Variants in PBX1 observed in about 807,000 individuals in gnomAD.
The protein encoded by PBX1 is PBX homeobox 1.
In PBX1, 6 loss-of-function variants were observed where a neutral mutation model predicts 53.4. That is an observed-to-expected ratio of 0.11 (90% CI 0.06 to 0.22). PBX1 has a LOEUF of 0.22. Among genes scored for constraint, PBX1 ranks in the 10% least tolerant of loss-of-function variants. The probability of loss-of-function intolerance (pLI) is 1.00; values close to 1 mark genes in which losing one functional copy is unlikely to be tolerated. For synonymous variants in PBX1, 204 were observed against 212.3 expected, an observed-to-expected ratio of 0.96 and a Z score of 0.34; for missense variants, 251 against 551.4, an observed-to-expected ratio of 0.46 and a Z score of 5.46.
intron 2 of PBX1, among the ~76,000 whole-genome samples, chr1:164,668,116 G>A (rs1369932664): frequency 6.6e-6 from 1 of 152,006 alleles, no homozygotes; most frequent in Non-Finnish European, 1.5e-5. Context: ...GTTTGGTCAG[G>A]AACTATGTCA....
At position 164,641,394 on chromosome 1, in the gene PBX1, A is replaced by G. The variant is rs1230969061; in HGVS notation, c.265+78083A>G. On this transcript the variant is annotated intron_variant, in intron 2 of 8. Transcript: ENST00000420696. ...GCCATCCAGTGACCTAGTCTGGGCC[A>G]GTAAAGCCACCAGGCCATTTTCCTG... 4 of 153,078 alleles carry G rather than the reference A, an allele frequency of 2.6e-5. No individual in the cohort carries two copies. In the South Asian group the frequency reaches 8.3e-4, roughly 32 times the overall value. The allele number at this position is 153,078 out of a possible 1,614,324, so 9.5% of individuals were successfully genotyped here.
chr1:164,599,927 T>C (rs1656044192), intron 2 of PBX1, among the ~76,000 whole-genome samples: 1 of 152,078 alleles, frequency 6.6e-6, no homozygotes, highest in Non-Finnish European at 1.5e-5. Flanking sequence ...TTGAAGCCAG[T>C]GTGTGTGCAA....
intron 2 of PBX1, among the ~76,000 whole-genome samples, chr1:164,690,284 C>G (rs1662389670): frequency 6.6e-6 from 1 of 151,944 alleles, no homozygotes; most frequent in South Asian, 2.1e-4. Flanking sequence ...GACAGACAGA[C>G]TGCTGTGAAA....
intron 2 of PBX1, among the ~76,000 whole-genome samples, chr1:164,566,095 TTAGAAA>T (rs1176197268): frequency 6.6e-6 from 1 of 152,160 alleles, no homozygotes; most frequent in African/African-American, 2.4e-5. Context: ...GTTGGAAGAC[TTAGAAA>T]TAGATACAAA....
intron 2 of PBX1, among the ~76,000 whole-genome samples, chr1:164,750,412 A>G (rs777278782): frequency 1.3e-5 from 2 of 152,146 alleles, no homozygotes; most frequent in Non-Finnish European, 2.9e-5. Context: ...CTTTACTCTC[A>G]CTGACTACAA....
intron 2 of PBX1, among the ~76,000 whole-genome samples, chr1:164,861,612 A>G (rs1672100875): frequency 6.6e-6 from 1 of 152,170 alleles, no homozygotes; most frequent in South Asian, 2.1e-4. Flanking sequence ...GGAAACCAAC[A>G]ATAAACACAA....
intron 8 of PBX1, chr1:164,828,696 C>A (rs578247514): frequency 1.3e-5 from 2 of 151,816 alleles, no homozygotes; most frequent in South Asian, 4.1e-4. Context: ...TTTATGGTTG[C>A]TCCTGAAAGT....
In PBX1 at chr1:164,695,462, C is replaced by A. The variant is rs572221274; in HGVS notation, c.266-97032C>A. On this transcript the variant is annotated intron_variant, in intron 2 of 8. Coordinates refer to ENST00000420696, the MANE Select transcript of PBX1 (RefSeq NM_002585.4). ...ACCTTTGAAGATTGTCTCCTACTAG[C>A]GATTTCTTGTACCTGTTATCCCCTA... 3.3e-5 allele frequency among the ~76,000 whole-genome samples: 5 copies of A among 152,278 alleles called. No individual in the cohort carries two copies. In the East Asian group the frequency reaches 9.6e-4, roughly 29 times the overall value.
At chr1:164,776,840 T>C (rs1348463863) in intron 2 of PBX1, among the ~76,000 whole-genome samples, 1 of 152,068 alleles carries the variant, frequency 6.6e-6, no homozygotes, top group Admixed American at 6.6e-5. Flanking sequence ...TGTCATTGTA[T>C]GTATGGCTGG....
At chr1:164,768,156 C>T (rs1247057084) in intron 2 of PBX1, among the ~76,000 whole-genome samples, 3 of 152,180 alleles carry the variant, frequency 2.0e-5, no homozygotes, top group Non-Finnish European at 4.4e-5. Flanking sequence ...TGATTTCACA[C>T]CAGCCATGTG....
intron 1 of PBX1, among the ~76,000 whole-genome samples, chr1:164,561,131 T>C (rs1361439132): frequency 6.6e-6 from 1 of 152,218 alleles, no homozygotes; most frequent in Non-Finnish European, 1.5e-5. Context: ...ATTACCCAGC[T>C]TTGTTATATC....
intron 2 of PBX1, among the ~76,000 whole-genome samples, chr1:164,574,400 A>G (rs559199335): frequency 1.6e-4 from 25 of 152,290 alleles, no homozygotes; most frequent in South Asian, 1.0e-3. Flanking sequence ...TTCCACATCC[A>G]TGGAATGGGT....
rs1447504455 is a variant in PBX1 at position 164,788,061 on chromosome 1, C to T, written c.266-4433C>T. ...TAAAACCTATTTCAGAAAAAAGCTG[C>T]TGGGGTGGGGAGGGAAGAGATGAGG... On this transcript the variant is annotated intron_variant, in intron 2 of 8. Transcript: ENST00000420696. Among the ~76,000 whole-genome samples, 3 of 149,596 alleles carry T rather than the reference C, an allele frequency of 2.0e-5. No individual in the cohort carries two copies. In the East Asian group the frequency reaches 6.0e-4, roughly 30 times the overall value.
intron 2 of PBX1, among the ~76,000 whole-genome samples, chr1:164,671,012 T>A (rs1661083180): frequency 6.6e-6 from 1 of 152,222 alleles, no homozygotes; most frequent in Non-Finnish European, 1.5e-5. Flanking sequence ...CTCTTCCCCA[T>A]GCACCAGCCC....
At chr1:164,581,991 C>G (rs1330353361) in intron 2 of PBX1, among the ~76,000 whole-genome samples, 1 of 151,910 alleles carries the variant, frequency 6.6e-6, no homozygotes, top group African/African-American at 2.4e-5. Flanking sequence ...TTGTTTATTG[C>G]TTATTTCATT....
intron 2 of PBX1, among the ~76,000 whole-genome samples, chr1:164,703,973 G>T (rs1663279749): frequency 6.6e-6 from 1 of 152,184 alleles, no homozygotes; most frequent in South Asian, 2.1e-4. Context: ...AGAAAGAGAG[G>T]GAAGGAGAAG....
At chr1:164,671,561 T>C (rs1330170960) in intron 2 of PBX1, among the ~76,000 whole-genome samples, 2 of 152,170 alleles carry the variant, frequency 1.3e-5, no homozygotes, top group African/African-American at 4.8e-5. Context: ...TCATCTTTAG[T>C]TTCCCCTGTC....
intron 2 of PBX1, among the ~76,000 whole-genome samples, chr1:164,654,128 G>A (rs893304386): frequency 1.3e-5 from 2 of 152,188 alleles, no homozygotes; most frequent in African/African-American, 4.8e-5. Context: ...TGCATTGGGG[G>A]TAGGGTGTCT....
intron 2 of PBX1, among the ~76,000 whole-genome samples, chr1:164,879,075 A>C (rs1672582867): frequency 6.6e-6 from 1 of 152,204 alleles, no homozygotes; most frequent in African/African-American, 2.4e-5. Context: ...ATTAGCTGTC[A>C]ATTAAGAGCC....
Sources: gnomAD v4.1 joint callset for allele counts (sites outside exome capture counted in the v4.1 genomes callset) on GRCh38, gnomAD v4.1.1 for gene constraint, MANE v1.5 for transcripts, NCBI Gene and HGNC (gene_info 2026-07-23, HGNC 2026-07-21) for gene names.